Variants in KCNT2 observed in about 807,000 individuals in gnomAD.
The protein encoded by KCNT2 is potassium channel subfamily T member 2.
KCNT2 carries 67 observed loss-of-function variants against 153.8 expected under a neutral mutation model. The ratio of observed to expected loss-of-function variants is 0.44; its 90% CI spans 0.36 to 0.53. The LOEUF (loss-of-function observed/expected upper bound fraction) is 0.53, where lower values mean the gene tolerates loss of function less well. KCNT2 is among the 20% of genes least tolerant of loss of function. KCNT2 has a pLI of 0.00. For synonymous variants in KCNT2, 500 were observed against 458.8 expected (o/e 1.09, Z -1.15); for missense variants, 975 against 1,354.8 (o/e 0.72, Z 4.40).
intron 12 of KCNT2, among the ~76,000 whole-genome samples, chr1:196,407,618 CA>C (rs1671937194): frequency 6.6e-6 from 1 of 151,208 alleles, no homozygotes; most frequent in Admixed American, 6.6e-5. Context: ...CTTCTTAAAA[CA>C]AAACATACTT....
At chr1:196,558,650 A>G (rs1326888547) in intron 1 of KCNT2, among the ~76,000 whole-genome samples, 1 of 151,470 alleles carries the variant, frequency 6.6e-6, no homozygotes, top group Non-Finnish European at 1.5e-5. Flanking sequence ...ATGCTGACTT[A>G]AATAAGTTTA....
At chr1:196,337,905 G>T (rs1359971255) in intron 16 of KCNT2, among the ~76,000 whole-genome samples, 2 of 151,824 alleles carry the variant, frequency 1.3e-5, no homozygotes, top group South Asian at 2.1e-4. Context: ...CTCCATAATA[G>T]AATGCAAGCT....
At chr1:196,583,906 A>G (rs1662356631) in intron 1 of KCNT2, among the ~76,000 whole-genome samples, 1 of 152,080 alleles carries the variant, frequency 6.6e-6, no homozygotes. Context: ...TCTTGATGAT[A>G]TGTAAAAATG....
chr1:196,389,271 A>C (rs1253062008), intron 13 of KCNT2, among the ~76,000 whole-genome samples: 4 of 151,774 alleles, frequency 2.6e-5, no homozygotes, highest in African/African-American at 9.7e-5. Context: ...CTGTGTTCAT[A>C]AAACGTATCA....
intron 19 of KCNT2, among the ~76,000 whole-genome samples, chr1:196,325,380 A>G (rs954971058): frequency 6.6e-6 from 1 of 152,136 alleles, no homozygotes; most frequent in Non-Finnish European, 1.5e-5. Flanking sequence ...CATTGTCTTA[A>G]CTTCCACTTT....
intron 8 of KCNT2, among the ~76,000 whole-genome samples, chr1:196,444,545 T>C (rs1675524901): frequency 6.6e-6 from 1 of 151,340 alleles, no homozygotes; most frequent in African/African-American, 2.4e-5. Context: ...CTACTGGTTA[T>C]AAAGAAGATT....
intron 14 of KCNT2, among the ~76,000 whole-genome samples, chr1:196,347,389 C>T (rs1572120306): frequency 6.6e-6 from 1 of 152,220 alleles, no homozygotes; most frequent in East Asian, 1.9e-4. Context: ...CATTTCCAAA[C>T]TTCTTATAGC....
chr1:196,260,497 C>T (rs979980979), intron 25 of KCNT2, among the ~76,000 whole-genome samples: 1 of 151,652 alleles, frequency 6.6e-6, no homozygotes, highest in African/African-American at 2.4e-5. Flanking sequence ...CCAAGAGAAA[C>T]TGTCATAGTT....
intron 8 of KCNT2, among the ~76,000 whole-genome samples, chr1:196,445,802 G>T (rs1399576361): frequency 1.3e-5 from 2 of 151,262 alleles, no homozygotes; most frequent in Non-Finnish European, 3.0e-5. Flanking sequence ...AGGAAGCTGA[G>T]CAGTCCATGA....
At chr1:196,469,346 A>G (rs1043142573) in intron 5 of KCNT2, among the ~76,000 whole-genome samples, 9 of 152,182 alleles carry the variant, frequency 5.9e-5, no homozygotes, top group Admixed American at 5.9e-4. Context: ...ATGGAAGAAA[A>G]GTACTAGTAA....
chr1:196,437,399 T>TTATATATA (rs572788806), intron 8 of KCNT2, among the ~76,000 whole-genome samples: 1 of 140,914 alleles, frequency 7.1e-6, no homozygotes, highest in Non-Finnish European at 1.5e-5. Context: ...TACACAAATT[T>TTATATATA]TATATATATA....
In KCNT2 at chr1:196,328,235, G is replaced by A. The variant is rs184254785; in HGVS notation, c.2104-1346C>T. ...TCTGTATCTTCTTGAAGTAAAGAGT[G>A]TAACTCAAAAGATTATTTAAATTAC... On this transcript the variant is annotated intron_variant, in intron 18 of 27. Transcript: ENST00000294725. Among the ~76,000 whole-genome samples the A allele has an allele frequency of 3.3e-5, 5 of 152,112 alleles. No homozygotes were observed. The East Asian group carries it at 9.7e-4, about 29-fold the overall frequency.
intron 22 of KCNT2, among the ~76,000 whole-genome samples, chr1:196,286,020 G>C (rs1441394574): frequency 2.6e-5 from 4 of 151,698 alleles, no homozygotes; most frequent in Admixed American, 2.6e-4. Flanking sequence ...CATACAAGAA[G>C]AGACATCATA....
chr1:196,603,838 T>C (rs987156551), intron 1 of KCNT2, among the ~76,000 whole-genome samples: 3 of 152,232 alleles, frequency 2.0e-5, no homozygotes, highest in Non-Finnish European at 4.4e-5. Flanking sequence ...ATTAAGTGTG[T>C]TGTGTTCCAA....
At chr1:196,247,017 TTAATGATCTCTTGCCTACAAGAAACA>T (rs1655513458) in intron 26 of KCNT2, among the ~76,000 whole-genome samples, 1 of 152,020 alleles carries the variant, frequency 6.6e-6, no homozygotes, top group Non-Finnish European at 1.5e-5. Flanking sequence ...AAAACAAGAC[TTAATGATCTCTTGCCTACAAGAAACA>T]CACTTCCCTT....
chr1:196,411,832 G>A (rs1253416364), intron 12 of KCNT2, among the ~76,000 whole-genome samples: 1 of 151,772 alleles, frequency 6.6e-6, no homozygotes, highest in African/African-American at 2.4e-5. Context: ...GTGGATGCCT[G>A]AAATTGTGGA....
At chr1:196,293,324 A>G (rs73065807) in intron 22 of KCNT2, among the ~76,000 whole-genome samples, 16,394 of 151,380 alleles carry the variant, frequency 0.11, 1,262 homozygotes, top group African/African-American at 0.22. Flanking sequence ...AAGCAATCTT[A>G]AGAGAAAAAA....
chr1:196,563,797 T>C (rs535230078), intron 1 of KCNT2, among the ~76,000 whole-genome samples: 5 of 151,796 alleles, frequency 3.3e-5, no homozygotes, highest in African/African-American at 1.2e-4. Flanking sequence ...AGAAAAAAAT[T>C]TGAAAGAATT....
At chr1:196,243,009 A>C (rs567317544) in intron 26 of KCNT2, among the ~76,000 whole-genome samples, 2 of 152,310 alleles carry the variant, frequency 1.3e-5, no homozygotes, top group East Asian at 3.9e-4. Flanking sequence ...TACTACCATA[A>C]TTATGATGTC....
Sources: allele counts gnomAD v4.1 joint callset (sites outside exome capture counted in the v4.1 genomes callset), GRCh38; gene constraint gnomAD v4.1.1; transcripts MANE v1.5; gene names NCBI Gene and HGNC (gene_info 2026-07-23, HGNC 2026-07-21).